DPY19L2: variants seen among roughly 807,000 people sequenced by gnomAD.
DPY19L2 encodes probable C-mannosyltransferase DPY19L2.
Under a neutral mutation model 97.9 loss-of-function variants are expected in DPY19L2, and 34 were observed. That is an observed-to-expected ratio of 0.35 (90% CI 0.26 to 0.46). The LOEUF is 0.46. DPY19L2 is among the 20% of genes least tolerant of loss of function. The pLI, the probability that DPY19L2 is intolerant of heterozygous loss-of-function variation, is 1.00. For synonymous variants in DPY19L2, 230 were observed against 307.9 expected, an observed-to-expected ratio of 0.75 and a Z score of 2.65; for missense variants, 623 against 911.4, an observed-to-expected ratio of 0.68 and a Z score of 4.07.
intron 21 of DPY19L2, among the ~76,000 whole-genome samples, chr12:63,567,514 T>A (rs1323242978): frequency 1.3e-5 from 2 of 152,082 alleles, no homozygotes; most frequent in Non-Finnish European, 2.9e-5. Context: ...CTAAAAAATA[T>A]AATGGTATCA....
intron 6 of DPY19L2, among the ~76,000 whole-genome samples, chr12:63,641,880 C>A (rs1892751519): frequency 6.6e-6 from 1 of 152,094 alleles, no homozygotes; most frequent in Non-Finnish European, 1.5e-5. Flanking sequence ...ATAATGTACA[C>A]TGTTTACCAA....
At position 63,599,546 on chromosome 12, in the gene DPY19L2, G is replaced by A. The variant is rs184932641; in HGVS notation, c.1359+760C>T. Reference sequence around the variant, plus strand: ...AGTAATACTATAATCCCTTGCCAAAGTACATAATTTCAGCATCAAACAGGG... The same window carrying A: ...AGTAATACTATAATCCCTTGCCAAAATACATAATTTCAGCATCAAACAGGG... On this transcript the variant is annotated intron_variant, in intron 13 of 21. Coordinates refer to ENST00000324472, the MANE Select transcript of DPY19L2 (RefSeq NM_173812.5). 9.2e-5 allele frequency among the ~76,000 whole-genome samples: 14 copies of A among 152,204 alleles called. No homozygotes were observed. The East Asian group carries it at 2.5e-3, about 27-fold the overall frequency.
At position 63,644,487 on chromosome 12, in the gene DPY19L2, T is replaced by C; in HGVS notation, c.719A>G (p.Asp240Gly). The change falls in exon 6 of 22, where the codon GAT (aspartate) becomes GGT (glycine). Residue 240 changes from aspartate (D) to glycine (G), a missense_variant. This residue lies in a region of DPY19L2 where 27 missense variants were observed against 77.5 expected (regional missense o/e 0.35). Transcript: ENST00000324472. ...NEVQSCEGLG[D>G]PACFYVGVIF... ...TACACCAACATAAAAGCAAGCAGGA[T>C]CTCCCAATCCTTTGAAAAGATACAG... is the stretch of plus-strand genomic sequence containing the variant. 1 of 1,608,944 alleles carries C rather than the reference T, an allele frequency of 6.2e-7. No individual in the cohort carries two copies. Among genetic ancestry groups the C allele is most frequent in the Non-Finnish European group, 8.5e-7 (1 of 1,178,282 alleles).
At chr12:63,655,202 A>G (rs1420982145) in intron 4 of DPY19L2, among the ~76,000 whole-genome samples, 1 of 152,236 alleles carries the variant, frequency 6.6e-6, no homozygotes, top group African/African-American at 2.4e-5. Context: ...CAGATGGCAA[A>G]TAAGCACAAA....
At chr12:63,621,697 G>A (rs1888719599) in intron 8 of DPY19L2, among the ~76,000 whole-genome samples, 1 of 152,168 alleles carries the variant, frequency 6.6e-6, no homozygotes, top group South Asian at 2.1e-4. Context: ...TCTCCTGTAT[G>A]TGTAGCAACA....
At chr12:63,616,424 G>A (rs918131605) in intron 11 of DPY19L2, among the ~76,000 whole-genome samples, 3 of 152,110 alleles carry the variant, frequency 2.0e-5, no homozygotes, top group Non-Finnish European at 4.4e-5. Flanking sequence ...GATACGGAAA[G>A]CAAAAATGTT....
intron 1 of DPY19L2, 97 bp downstream of exon 1, chr12:63,667,960 G>A: frequency 7.1e-7 from 1 of 1,401,864 alleles, no homozygotes; most frequent in Non-Finnish European, 9.7e-7. Context: ...TTTCCTACTA[G>A]GCACCCACAA....
intron 16 of DPY19L2, among the ~76,000 whole-genome samples, chr12:63,589,845 A>G (rs1882574199): frequency 6.6e-6 from 1 of 152,104 alleles, no homozygotes; most frequent in South Asian, 2.1e-4. Context: ...AACATAACAC[A>G]TAGCCGGGCA....
chr12:63,661,608 C>T, intron 3 of DPY19L2, 127 bp from the exon 4 acceptor site: 1 of 686,734 alleles, frequency 1.5e-6, no homozygotes, highest in Non-Finnish European at 2.2e-6. Flanking sequence ...CTAATCACTT[C>T]TCGCTATTTT....
At chr12:63,582,357 T>C in intron 18 of DPY19L2, 49 bp downstream of exon 18, 1 of 1,581,992 alleles carries the variant, frequency 6.3e-7, no homozygotes, top group Admixed American at 1.8e-5. Flanking sequence ...CTACTAAGTA[T>C]AGCTGCTATA....
At chr12:63,648,185 A>G (rs1293710683) in intron 4 of DPY19L2, among the ~76,000 whole-genome samples, 2 of 152,158 alleles carry the variant, frequency 1.3e-5, no homozygotes, top group East Asian at 1.9e-4. Flanking sequence ...CCAGACACCA[A>G]ATCTGCTGGC....
chr12:63,629,963 A>C (rs1890288116), intron 6 of DPY19L2, among the ~76,000 whole-genome samples: 2 of 152,162 alleles, frequency 1.3e-5, no homozygotes, highest in African/African-American at 4.8e-5. Flanking sequence ...ATCCAGCCAA[A>C]CTAAGCTTCA....
intron 18 of DPY19L2, among the ~76,000 whole-genome samples, chr12:63,581,319 G>A (rs945304186): frequency 6.6e-6 from 1 of 151,888 alleles, no homozygotes; most frequent in Non-Finnish European, 1.5e-5. Flanking sequence ...CAATATTCTA[G>A]CAATTTATCT....
intron 6 of DPY19L2, among the ~76,000 whole-genome samples, chr12:63,628,198 G>C (rs142999759): frequency 1.3e-5 from 2 of 152,142 alleles, no homozygotes; most frequent in Non-Finnish European, 2.9e-5. Flanking sequence ...TTATCTCACT[G>C]GGGATTGTCA....
chr12:63,658,418 C>T (rs139603929), intron 4 of DPY19L2, among the ~76,000 whole-genome samples: 7,114 of 152,176 alleles, frequency 0.047, 312 homozygotes, highest in Non-Finnish European at 0.062. Context: ...CGCTTGAACC[C>T]AGGAGGCAGA....
intron 16 of DPY19L2, among the ~76,000 whole-genome samples, chr12:63,587,809 G>A (rs1882076079): frequency 6.6e-6 from 1 of 151,996 alleles, no homozygotes; most frequent in Non-Finnish European, 1.5e-5. Context: ...CTGACCTCGT[G>A]ATCCGCCCGC....
intron 6 of DPY19L2, among the ~76,000 whole-genome samples, chr12:63,629,429 C>A (rs1164312046): frequency 1.3e-5 from 2 of 152,114 alleles, no homozygotes; most frequent in Admixed American, 1.3e-4. Flanking sequence ...GCACAAGCCT[C>A]AGTAGCCAAT....
At chr12:63,587,720 G>C (rs1198665183) in intron 16 of DPY19L2, among the ~76,000 whole-genome samples, 2 of 151,840 alleles carry the variant, frequency 1.3e-5, no homozygotes, top group South Asian at 2.1e-4. Context: ...TTACAGGTGT[G>C]TGCCACCACA....
chr12:63,592,371 C>T (rs1448919479), intron 16 of DPY19L2, among the ~76,000 whole-genome samples: 4 of 150,144 alleles, frequency 2.7e-5, no homozygotes, highest in African/African-American at 7.3e-5. Flanking sequence ...AGGCATCACG[C>T]TACCTGACTT....
Sources: allele counts gnomAD v4.1 joint callset (sites outside exome capture counted in the v4.1 genomes callset), GRCh38; gene constraint gnomAD v4.1.1; regional missense constraint gnomAD v4.1.1; transcripts MANE v1.5; gene names NCBI Gene and HGNC (gene_info 2026-07-23, HGNC 2026-07-21).